The following ITK variants were observed in gnomAD, a reference collection of about 807,000 sequenced individuals.
The protein encoded by ITK is IL2 inducible T cell kinase, also known as tyrosine-protein kinase ITK/TSK.
In ITK, 45 loss-of-function variants were observed where a neutral mutation model predicts 87.6. That is an observed-to-expected ratio of 0.51 (90% CI 0.40 to 0.66). The LOEUF is 0.66. Ranked by LOEUF, ITK falls within the 30% of genes least tolerant of loss-of-function variation. The pLI, the probability that ITK is intolerant of heterozygous loss-of-function variation, is 0.00. For synonymous variants in ITK, 303 were observed against 273.6 expected (o/e 1.11, Z -1.06); for missense variants, 605 against 766.3 (o/e 0.79, Z 2.48).
At chr5:157,191,295 C>T (rs1753749428) in intron 1 of ITK, among the ~76,000 whole-genome samples, 1 of 152,082 alleles carries the variant, frequency 6.6e-6, no homozygotes, top group South Asian at 2.1e-4. Context: ...AGAATCATCT[C>T]ACTCCATGTT....
intron 8 of ITK, 147 bp downstream of exon 8, chr5:157,232,541 C>G (rs1754679024): frequency 4.2e-6 from 2 of 476,476 alleles, no homozygotes; most frequent in Admixed American, 2.6e-5. Flanking sequence ...ATCATTGTAC[C>G]ACTGCACTTC....
intron 1 of ITK, among the ~76,000 whole-genome samples, chr5:157,183,849 T>C (rs778312543): frequency 6.6e-6 from 1 of 152,216 alleles, no homozygotes; most frequent in South Asian, 2.1e-4. Context: ...ATATGAAAAA[T>C]AACCCTTCTA....
At chr5:157,181,527 C>T (rs1753518569) in intron 1 of ITK, among the ~76,000 whole-genome samples, 1 of 152,158 alleles carries the variant, frequency 6.6e-6, no homozygotes, top group Non-Finnish European at 1.5e-5. Context: ...GGATGATCTA[C>T]CCCAGCTTTC....
intron 6 of ITK, among the ~76,000 whole-genome samples, chr5:157,226,285 A>T (rs2113763190): frequency 6.6e-6 from 1 of 152,368 alleles, no homozygotes; most frequent in Non-Finnish European, 1.5e-5. Context: ...GAAGTGAAAG[A>T]GCTTTGGAAA....
At chr5:157,188,949 C>A (rs779796456) in intron 1 of ITK, among the ~76,000 whole-genome samples, 3 of 152,122 alleles carry the variant, frequency 2.0e-5, no homozygotes, top group Non-Finnish European at 4.4e-5. Context: ...CACAGTATCA[C>A]CATCATCTAA....
At chr5:157,252,287 T>C (rs917234836) in intron 16 of ITK, among the ~76,000 whole-genome samples, 12 of 152,246 alleles carry the variant, frequency 7.9e-5, no homozygotes, top group African/African-American at 2.7e-4. Context: ...ATGTGATTTA[T>C]TGAATTCTCA....
chr5:157,231,170 T>C (rs1722268671), intron 7 of ITK, among the ~76,000 whole-genome samples: 1 of 152,234 alleles, frequency 6.6e-6, no homozygotes, highest in Admixed American at 6.5e-5. Flanking sequence ...AGCCATGACC[T>C]TGGGCAAGTT....
chr5:157,248,819 T>C (rs903288762), intron 15 of ITK, 31 bp from the exon 16 acceptor site: 2 of 1,613,830 alleles, frequency 1.2e-6, no homozygotes, highest in Admixed American at 1.7e-5. Flanking sequence ...GGCTTTGTCA[T>C]TCACTGTGCT....
At chr5:157,187,503 A>C (rs1753667693) in intron 1 of ITK, among the ~76,000 whole-genome samples, 1 of 152,230 alleles carries the variant, frequency 6.6e-6, no homozygotes, top group Non-Finnish European at 1.5e-5. Context: ...ATAGAGACCA[A>C]GGCAAGTGAC....
At position 157,230,346 on chromosome 5, in the gene ITK, T is replaced by A. The variant is rs117317708; in HGVS notation, c.713+1985T>A. 1.9e-3 allele frequency among the ~76,000 whole-genome samples: 285 copies of A among 152,326 alleles called. 3 individuals are homozygous for A. The East Asian group carries it at 0.032, about 17-fold the overall frequency. On this transcript the variant is annotated intron_variant, in intron 7 of 16. Transcript: ENST00000422843. ...TAAGTTTGAAATTATTTAAAAATTT[T>A]AAAAAATTAATTACTCACTAAATAT... is the stretch of plus-strand genomic sequence containing the variant.
At chr5:157,204,498 G>A (rs1158345507) in intron 1 of ITK, among the ~76,000 whole-genome samples, 3 of 152,198 alleles carry the variant, frequency 2.0e-5, no homozygotes, top group Non-Finnish European at 4.4e-5. Flanking sequence ...AGGAGATGGA[G>A]ACCATCCTGG....
At chr5:157,240,404 T>C in intron 10 of ITK, 1 of 606,348 alleles carries the variant, frequency 1.6e-6, no homozygotes, top group South Asian at 1.9e-5. Context: ...GATGGAACAG[T>C]TTCATCCTGA....
At chr5:157,186,583 G>C (rs952530320) in intron 1 of ITK, among the ~76,000 whole-genome samples, 1 of 152,126 alleles carries the variant, frequency 6.6e-6, no homozygotes, top group Admixed American at 6.5e-5. Context: ...GGCTGAAGCA[G>C]GAGAATTGCT....
intron 1 of ITK, among the ~76,000 whole-genome samples, chr5:157,192,740 C>T (rs1235111704): frequency 6.6e-6 from 1 of 152,226 alleles, no homozygotes; most frequent in Non-Finnish European, 1.5e-5. Context: ...CCCTATGCCC[C>T]TTGGCCTGTC....
intron 5 of ITK, among the ~76,000 whole-genome samples, chr5:157,222,517 CAA>C (rs758798243): frequency 1.3e-5 from 2 of 152,310 alleles, no homozygotes; most frequent in Non-Finnish European, 2.9e-5. Flanking sequence ...TAGTAAAGCA[CAA>C]ACTGAAAGAT....
At chr5:157,198,273 G>C (rs1753891438) in intron 1 of ITK, among the ~76,000 whole-genome samples, 1 of 152,194 alleles carries the variant, frequency 6.6e-6, no homozygotes, top group South Asian at 2.1e-4. Context: ...AAAACTGTAT[G>C]TAAGAATAAT....
Position 157,244,596 on chromosome 5 carries a change from C to T in ITK, c.1449+118C>T, listed in dbSNP as rs73302127. 8.4e-3 allele frequency: 6,171 copies of T among 736,310 alleles called. 253 individuals are homozygous for T. In the African/African-American group the frequency reaches 0.096, roughly 11 times the overall value. 45.6% of individuals were successfully genotyped at this position (736,310 alleles called of 1,614,324 possible). On this transcript the variant is annotated intron_variant, in intron 13 of 16. Transcript: ENST00000422843. The stretch of plus-strand genomic sequence containing the variant: ...CAGATAATCTCCTTTCCTTTCTCAA[C>T]TTCTCCCTTCCTTCACCTACTTTGG...
At chr5:157,203,739 A>G (rs1754021665) in intron 1 of ITK, among the ~76,000 whole-genome samples, 1 of 152,246 alleles carries the variant, frequency 6.6e-6, no homozygotes, top group Non-Finnish European at 1.5e-5. Context: ...ACAGTAAATG[A>G]GAAGATAGTT....
chr5:157,185,991 C>A (rs1753635212), intron 1 of ITK, among the ~76,000 whole-genome samples: 1 of 152,188 alleles, frequency 6.6e-6, no homozygotes, highest in African/African-American at 2.4e-5. Context: ...TGAATTATTT[C>A]ACCTAACCAT....
Sources: gnomAD v4.1 joint callset for allele counts (sites outside exome capture counted in the v4.1 genomes callset) on GRCh38, gnomAD v4.1.1 for gene constraint, MANE v1.5 for transcripts, NCBI Gene and HGNC (gene_info 2026-07-23, HGNC 2026-07-21) for gene names.